MYH7B: variants seen among roughly 807,000 people sequenced by gnomAD.
MYH7B encodes the protein myosin heavy chain 7B.
Under a neutral mutation model 234.5 loss-of-function variants are expected in MYH7B, and 205 were observed. The ratio of observed to expected loss-of-function variants is 0.87; its 90% CI spans 0.78 to 0.98. MYH7B has a LOEUF of 0.98. Ranked by LOEUF, MYH7B falls within the 50% of genes least tolerant of loss-of-function variation. MYH7B has a pLI of 0.00. For synonymous variants in MYH7B, 1,193 were observed against 1,105.0 expected (o/e 1.08, Z -1.58); for missense variants, 2,652 against 2,633.4 (o/e 1.01, Z -0.15).
intron 26 of MYH7B, among the ~76,000 whole-genome samples, 198 bp downstream of exon 26, chr20:34,993,668 T>C (rs1345474196): frequency 6.6e-6 from 1 of 152,234 alleles, no homozygotes; most frequent in African/African-American, 2.4e-5. Context: ...GCCTCTCCAT[T>C]TCAGGACATC....
At chr20:34,984,818 C>T in intron 11 of MYH7B, 36 bp from the exon 12 acceptor site, 2 of 1,600,052 alleles carry the variant, frequency 1.2e-6, no homozygotes, top group Non-Finnish European at 1.7e-6. Flanking sequence ...GGGTAGGCAC[C>T]AGAACTGACA....
exon 27 of MYH7B, chr20:34,994,194 C>T (rs2082208641): frequency 6.2e-7 from 1 of 1,613,456 alleles, no homozygotes; most frequent in East Asian, 2.2e-5. Context: ...TCAATGCCGT[C>T]AAGAACTGGT....
chr20:34,967,553 C>T (rs928290866), intron 2 of MYH7B, among the ~76,000 whole-genome samples: 1 of 152,094 alleles, frequency 6.6e-6, no homozygotes, highest in African/African-American at 2.4e-5. Flanking sequence ...AGCAGAGCTA[C>T]AGCACCCCCC....
In MYH7B at chr20:34,989,650, C is replaced by T. The variant is rs1447905444; in HGVS notation, c.1588-90C>T. The T allele has an allele frequency of 4.5e-6, 6 of 1,335,578 alleles. No individual in the cohort carries two copies. In the African/African-American group the frequency reaches 8.9e-5, roughly 20 times the overall value. 82.7% of individuals were successfully genotyped at this position (1,335,578 alleles called of 1,614,324 possible). A position where few individuals can be genotyped will look rare whatever the true frequency, so the allele number is the denominator to read the frequency against. The stretch of plus-strand genomic sequence containing the variant: ...GAAGCTGGGGATCTGGGAAGGCTCC[C>T]AGAAGGGAGGTGGCCTGGGGAACCA... On this transcript the variant is annotated intron_variant, in intron 19 of 44. Transcript: ENST00000262873.
At chr20:34,988,844 C>G (rs889461837) in intron 19 of MYH7B, among the ~76,000 whole-genome samples, 13 of 127,572 alleles carry the variant, frequency 1.0e-4, no homozygotes, top group African/African-American at 4.0e-4. Flanking sequence ...GAGTCTCACT[C>G]TGTCGCCCAG....
chr20:34,984,665 C>A, intron 10 of MYH7B, 27 bp from the exon 11 acceptor site: 1 of 1,600,588 alleles, frequency 6.2e-7, no homozygotes, highest in Non-Finnish European at 8.5e-7. Context: ...GCCTGGCCCT[C>A]TAATGTTGTC....
intron 3 of MYH7B, 127 bp from the exon 4 acceptor site, chr20:34,977,504 TA>T: frequency 2.4e-6 from 2 of 818,434 alleles, no homozygotes; most frequent in Non-Finnish European, 4.0e-6. Context: ...CAATGGGAGG[TA>T]AAAATAGCCC....
intron 2 of MYH7B, among the ~76,000 whole-genome samples, chr20:34,967,178 G>A (rs1021799961): frequency 5.9e-5 from 9 of 151,434 alleles, no homozygotes; most frequent in South Asian, 2.1e-4. Flanking sequence ...GTAGTGAGCC[G>A]ACATCACGCC....
At chr20:34,973,489 A>G (rs1357082576) in intron 2 of MYH7B, among the ~76,000 whole-genome samples, 1 of 152,164 alleles carries the variant, frequency 6.6e-6, no homozygotes, top group Non-Finnish European at 1.5e-5. Flanking sequence ...AAAATCCTGG[A>G]GTCTCGCTCT....
At chr20:34,978,215 G>A in intron 5 of MYH7B, 119 bp downstream of exon 5, 1 of 1,206,070 alleles carries the variant, frequency 8.3e-7, no homozygotes, top group Non-Finnish European at 1.2e-6. Flanking sequence ...CCTGACAGCT[G>A]GAGCCCTGGA....
intron 2 of MYH7B, 73 bp from the exon 3 acceptor site, chr20:34,975,327 C>T (rs1322578193): frequency 1.7e-5 from 9 of 518,940 alleles, no homozygotes; most frequent in Middle Eastern, 5.0e-4. Context: ...ACCTCAGCCT[C>T]CTGAGTAGCT....
At chr20:34,987,903 G>A (rs202169408) in exon 18 of MYH7B, 2 of 1,599,812 alleles carry the variant, frequency 1.3e-6, no homozygotes, top group East Asian at 4.5e-5. Flanking sequence ...CGCTGGGTTT[G>A]AGATCTTTGA....
At chr20:34,957,484 CTTTTT>C (rs71196770) in intron 1 of MYH7B, among the ~76,000 whole-genome samples, 1,737 of 104,314 alleles carry the variant, frequency 0.017, 35 homozygotes, top group African/African-American at 0.059. Context: ...CCTTTTGACT[CTTTTT>C]TTTTTTTTTT....
rs1569036265 is a variant in MYH7B, at chr20:34,981,014, CCCCTT to C, written c.500-13_500-9del. 1 of 1,614,122 alleles carries C rather than the reference CCCCTT, an allele frequency of 6.2e-7. No individual in the cohort carries two copies. Among genetic ancestry groups the C allele is most frequent in the Non-Finnish European group, 8.5e-7 (1 of 1,180,006 alleles). On this transcript the variant is annotated splice_polypyrimidine_tract_variant and intron_variant, in intron 8 of 44. Transcript: ENST00000262873. Reference sequence around the variant, plus strand: ...CCCACACCTTGGCTGACTTCTCTATCCCCTTCCCTTTCCTCCAGACCGAGACAACC... The same window carrying C: ...CCCACACCTTGGCTGACTTCTCTATCCCCTTTCCTCCAGACCGAGACAACC...
chr20:34,979,365 G>C (rs372003582), intron 5 of MYH7B, 25 bp from the exon 6 acceptor site: 491 of 1,587,690 alleles, frequency 3.1e-4, no homozygotes, highest in Non-Finnish European at 4.2e-4. Flanking sequence ...CCCTCTCTGA[G>C]TCCAGAGCTC....
intron 7 of MYH7B, 75 bp downstream of exon 7, chr20:34,979,879 C>G: frequency 4.5e-6 from 6 of 1,328,862 alleles, no homozygotes; most frequent in South Asian, 2.8e-5. Context: ...GTGCTGGGGG[C>G]GGGCCCATAG....
At chr20:34,987,231 A>G (rs201832272) in exon 16 of MYH7B, 1 of 1,612,164 alleles carries the variant, frequency 6.2e-7, no homozygotes, top group East Asian at 2.2e-5. Context: ...CACTTTGGCA[A>G]CATGAAGTTC....
intron 9 of MYH7B, 142 bp from the exon 10 acceptor site, chr20:34,982,317 A>G: frequency 1.5e-6 from 1 of 688,000 alleles, no homozygotes; most frequent in Non-Finnish European, 2.6e-6. Flanking sequence ...TGCTTTGTAC[A>G]CCTCTGAGGG....
chr20:34,982,356 G>T, intron 9 of MYH7B, 103 bp from the exon 10 acceptor site: 1 of 963,858 alleles, frequency 1.0e-6, no homozygotes, highest in South Asian at 1.4e-5. Context: ...TTTCAAGCTG[G>T]GGGGAAGGAG....
Sources: gnomAD v4.1 joint callset for allele counts (sites outside exome capture counted in the v4.1 genomes callset) on GRCh38, gnomAD v4.1.1 for gene constraint, MANE v1.5 for transcripts, NCBI Gene and HGNC (gene_info 2026-07-23, HGNC 2026-07-21) for gene names.